The following NRG2 variants were observed in gnomAD, a reference collection of about 807,000 sequenced individuals.
NRG2 encodes pro-neuregulin-2, membrane-bound isoform.
A neutral mutation model predicts 73.9 loss-of-function variants in NRG2; 27 were observed. The ratio of observed to expected loss-of-function variants is 0.37; its 90% CI spans 0.27 to 0.50. The LOEUF (loss-of-function observed/expected upper bound fraction) is 0.50. NRG2 is among the 20% of genes least tolerant of loss of function. The pLI is 0.96. For synonymous variants in NRG2, 532 were observed against 541.0 expected (o/e 0.98, Z 0.23); for missense variants, 1,126 against 1,210.1 (o/e 0.93, Z 1.03).
intron 3 of NRG2, among the ~76,000 whole-genome samples, chr5:139,878,180 C>A (rs1242127029): frequency 6.6e-6 from 1 of 152,216 alleles, no homozygotes; most frequent in Non-Finnish European, 1.5e-5. Flanking sequence ...AGCACCCCTT[C>A]GGGGAAGTGC....
chr5:139,926,724 A>C (rs1329904604), intron 1 of NRG2, among the ~76,000 whole-genome samples: 1 of 152,100 alleles, frequency 6.6e-6, no homozygotes, highest in Non-Finnish European at 1.5e-5. Context: ...TGATGCATGA[A>C]TGTTCATCTA....
chr5:140,021,560 A>C (rs1760228264), intron 1 of NRG2, among the ~76,000 whole-genome samples: 1 of 152,230 alleles, frequency 6.6e-6, no homozygotes, highest in Admixed American at 6.5e-5. Flanking sequence ...GTCATACTAC[A>C]CAAAGCACTC....
intron 3 of NRG2, among the ~76,000 whole-genome samples, chr5:139,879,667 C>A (rs1763403112): frequency 1.3e-5 from 2 of 152,122 alleles, no homozygotes; most frequent in African/African-American, 4.8e-5. Context: ...GGGAACATGA[C>A]AGGATAAAAG....
At chr5:139,924,344 G>C (rs899039283) in intron 1 of NRG2, among the ~76,000 whole-genome samples, 6 of 152,186 alleles carry the variant, frequency 3.9e-5, no homozygotes, top group African/African-American at 1.4e-4. Flanking sequence ...CAAAAGTACA[G>C]AATTTCTGGT....
chr5:140,042,326 T>A, intron 1 of NRG2, 44 bp downstream of exon 1: 163 of 756,544 alleles, frequency 2.2e-4, no homozygotes, highest in Non-Finnish European at 2.4e-4. Flanking sequence ...CTCCACCACC[T>A]CGCCCCTCCC....
chr5:139,864,817 G>A (rs868696362), intron 5 of NRG2, among the ~76,000 whole-genome samples: 5 of 151,922 alleles, frequency 3.3e-5, no homozygotes, highest in Non-Finnish European at 5.9e-5. Context: ...GGCAGCCTTC[G>A]GAGCAGGGGA....
intron 1 of NRG2, among the ~76,000 whole-genome samples, chr5:139,899,387 C>T (rs1764738104): frequency 1.3e-5 from 2 of 152,250 alleles, no homozygotes; most frequent in Non-Finnish European, 2.9e-5. Flanking sequence ...CCAGTTGGTG[C>T]TTTAAATCAG....
chr5:139,962,908 A>G (rs540233214), intron 1 of NRG2, among the ~76,000 whole-genome samples: 1 of 152,294 alleles, frequency 6.6e-6, no homozygotes, highest in South Asian at 2.1e-4. Context: ...ACCATGTTGC[A>G]GTTAAACATA....
At chr5:139,962,639 A>C (rs533202176) in intron 1 of NRG2, among the ~76,000 whole-genome samples, 2 of 152,266 alleles carry the variant, frequency 1.3e-5, no homozygotes, top group Non-Finnish European at 2.9e-5. Flanking sequence ...GAAGTTACAC[A>C]GGGGGCTTCT....
At chr5:139,961,760 C>T (rs1755082032) in intron 1 of NRG2, among the ~76,000 whole-genome samples, 1 of 152,188 alleles carries the variant, frequency 6.6e-6, no homozygotes, top group Admixed American at 6.5e-5. Context: ...GCTGGCAAAG[C>T]AAAAGCAGCT....
In NRG2 at chr5:139,887,010, G is replaced by A. The variant is rs1034838776; in HGVS notation, c.872+330C>T. Among the ~76,000 whole-genome samples, 22 of 152,212 alleles carry A rather than the reference G, an allele frequency of 1.4e-4. No homozygotes were observed. Among genetic ancestry groups the A allele is most frequent in the Non-Finnish European group, 3.2e-4 (22 of 68,044 alleles). ...AATGTTGGGGCTTTCAGACGCTACA[G>A]CAGGTTTTTCAAGAAGTTTTAGAGA... On this transcript the variant is annotated intron_variant, in intron 2 of 9. Coordinates refer to ENST00000361474, the MANE Select transcript of NRG2 (RefSeq NM_004883.3). This position sits in a 1 kb window ranked among gnomAD's most constrained non-coding sequence, Gnocchi z 4.5.
In NRG2 at chr5:140,042,730, A is replaced by G. The variant is rs1229180808; in HGVS notation, c.340T>C (p.Ser114Pro). 1 of 1,564,594 alleles carries G rather than the reference A, an allele frequency of 6.4e-7. No individual in the cohort carries two copies. ...TCCTGCACTGACTTGAGGCTGGGCG[A>G]GTAGCAGGCGAGCGACACACCGAAG... ...LLFGVSLACY[S>P]PSLKSVQDQA... Residue 114 changes from serine to proline, a missense_variant, in exon 1 of 10, where the codon TCG becomes CCG. Physicochemically the swap from Ser to Pro is moderately conservative, Grantham distance 74 (BLOSUM62 -1). Transcript: ENST00000361474.
At chr5:139,926,731 T>G (rs1752087266) in intron 1 of NRG2, among the ~76,000 whole-genome samples, 1 of 152,236 alleles carries the variant, frequency 6.6e-6, no homozygotes, top group Non-Finnish European at 1.5e-5. Flanking sequence ...TGAATGTTCA[T>G]CTATCAGTTC....
chr5:140,020,873 G>A (rs1195080817), intron 1 of NRG2, among the ~76,000 whole-genome samples: 2 of 152,216 alleles, frequency 1.3e-5, no homozygotes, highest in Non-Finnish European at 2.9e-5. Flanking sequence ...ATGTTCATGT[G>A]TGGGGGTGGA....
intron 1 of NRG2, among the ~76,000 whole-genome samples, chr5:140,012,492 T>C (rs1352989076): frequency 6.6e-6 from 1 of 152,194 alleles, no homozygotes; most frequent in Non-Finnish European, 1.5e-5. Flanking sequence ...ACTCTTCTTC[T>C]CTAGTCGTCT....
intron 1 of NRG2, among the ~76,000 whole-genome samples, chr5:139,917,252 C>T (rs1310275999): frequency 1.3e-5 from 2 of 152,000 alleles, no homozygotes; most frequent in African/African-American, 2.4e-5. Flanking sequence ...CATTTTGTTT[C>T]ATTTTTTTTG....
chr5:139,987,820 G>C (rs1375527164), intron 1 of NRG2, among the ~76,000 whole-genome samples: 1 of 149,046 alleles, frequency 6.7e-6, no homozygotes, highest in Non-Finnish European at 1.5e-5. Flanking sequence ...TGTTGCCCAG[G>C]CTGGAGTGCA....
intron 1 of NRG2, among the ~76,000 whole-genome samples, chr5:139,912,839 C>T (rs1444141940): frequency 1.3e-5 from 2 of 152,220 alleles, no homozygotes; most frequent in Non-Finnish European, 2.9e-5. Flanking sequence ...TGCGCCTCAA[C>T]GTGTACTTAC....
chr5:139,886,484 A>T (rs1763880272), intron 2 of NRG2, among the ~76,000 whole-genome samples: 1 of 152,210 alleles, frequency 6.6e-6, no homozygotes, highest in South Asian at 2.1e-4. Flanking sequence ...GAGTGGTTGT[A>T]AGCTACTCTG....
Sources: gnomAD v4.1 joint callset for allele counts (sites outside exome capture counted in the v4.1 genomes callset) on GRCh38, gnomAD v4.1.1 for gene constraint, Gnocchi (gnomAD v3.1) non-coding constraint, MANE v1.5 for transcripts, NCBI Gene and HGNC (gene_info 2026-07-23, HGNC 2026-07-21) for gene names.